SPON2: variants seen among roughly 807,000 people sequenced by gnomAD.
SPON2 encodes the protein spondin-2.
Under a neutral mutation model 29.9 loss-of-function variants are expected in SPON2, and 32 were observed. The observed-to-expected ratio is 1.07, with a 90% confidence interval of 0.81 to 1.44. The LOEUF (loss-of-function observed/expected upper bound fraction) is 1.44, where lower values mean the gene tolerates loss of function less well. Among genes scored for constraint, SPON2 ranks in the 40% most tolerant of loss-of-function variants. The probability of loss-of-function intolerance (pLI) is 0.00; values close to 1 mark genes in which losing one functional copy is unlikely to be tolerated. For missense variants in SPON2, 541 were observed against 455.5 expected (o/e 1.19, Z -1.71); for synonymous variants, 248 against 209.1 (o/e 1.19, Z -1.61).
intron 1 of SPON2, among the ~76,000 whole-genome samples, chr4:1,205,950 C>G (rs775151404): frequency 3.9e-5 from 6 of 152,176 alleles, no homozygotes; most frequent in Non-Finnish European, 5.9e-5. Context: ...CCACCCCTAG[C>G]TCCCCTGGCT....
intron 1 of SPON2, among the ~76,000 whole-genome samples, chr4:1,204,478 C>G (rs889070821): frequency 6.6e-6 from 1 of 152,208 alleles, no homozygotes; most frequent in African/African-American, 2.4e-5. Context: ...TTTGGCGTGT[C>G]TGTAATGCCT....
chr4:1,174,488 A>AG, upstream of SPON2, among the ~76,000 whole-genome samples: 1 of 11,554 alleles, frequency 8.7e-5, no homozygotes, highest in African/African-American at 1.4e-4. Context: ...CTCCATCTCA[A>AG]AAAAAAAAAA....
intron 5 of SPON2, chr4:1,170,178 C>T: frequency 3.7e-6 from 2 of 544,296 alleles, no homozygotes; most frequent in East Asian, 3.3e-5. Context: ...ATTCTTTCCT[C>T]TGGGCTGTGG....
intron 1 of SPON2, among the ~76,000 whole-genome samples, chr4:1,187,066 A>G (rs559423159): frequency 1.3e-5 from 2 of 152,344 alleles, no homozygotes; most frequent in East Asian, 1.9e-4. Flanking sequence ...TTGAAAATAT[A>G]TTTGTATACT....
In SPON2 at chr4:1,185,708, C is replaced by CAAAA. The variant is rs58836347; in HGVS notation, c.-238-6171_-238-6168dup. Among the ~76,000 whole-genome samples the CAAAA allele has an allele frequency of 9.0e-4, 63 of 69,672 alleles. 6 individuals carry two copies. In the East Asian group the frequency reaches 0.03, roughly 33 times the overall value. The allele number at this position is 69,672 out of a possible 152,430, so 45.7% of individuals were successfully genotyped here. ...CGGCAGCAGAGTGAGACTCCATCTCCAAAAAAAAAAAGAATGAAGTTGGAC... is the reference window on the plus strand; with the variant it reads ...CGGCAGCAGAGTGAGACTCCATCTCCAAAAAAAAAAAAAAAGAATGAAGTTGGAC... On this transcript the variant is annotated intron_variant, in intron 1 of 3. Transcript: ENST00000502483.
chr4:1,176,028 C>T (rs1727587416), upstream of SPON2, among the ~76,000 whole-genome samples: 1 of 152,094 alleles, frequency 6.6e-6, no homozygotes, highest in Admixed American at 6.5e-5. Flanking sequence ...GAGAGGGGGA[C>T]ATGGGAGAAC....
At position 1,172,257 on chromosome 4, in the gene SPON2, G is replaced by A. The variant is rs142974154; in HGVS notation, c.-3-183C>T. The stretch of plus-strand genomic sequence containing the variant: ...CCCCCATCAGCGGAATGGACGGCGC[G>A]GGGTTAGATCGCCCGTGCGCCTGCG... On this transcript the variant is annotated intron_variant, in intron 1 of 5. Coordinates refer to ENST00000290902, the MANE Select transcript of SPON2 (RefSeq NM_012445.4). The A allele has an allele frequency of 1.8e-3, 1,083 of 617,926 alleles. 7 individuals carry two copies. Among genetic ancestry groups the A allele is most frequent in the African/African-American group, 0.013 (702 of 54,130 alleles). The allele number at this position is 617,926 out of a possible 1,614,324, so 38.3% of individuals were successfully genotyped here.
chr4:1,167,534 T>A lies in SPON2; in HGVS notation c.934A>T (p.Asn312Tyr). ...TRYVRVQPAN[N>Y]GSPCPELEEE... ...TCGAGCTCGGGGCAGGGGCTCCCGT[T>A]GTTGGCGGGCTGGACCCGGACGTAG... is the stretch of plus-strand genomic sequence containing the variant. Residue 312 changes from asparagine to tyrosine, a missense_variant, in exon 6 of 6, where the codon AAC (asparagine) becomes TAC (tyrosine). Asn to Tyr is a moderately radical substitution (Grantham distance 143). Transcript: ENST00000290902. The A allele has an allele frequency of 6.2e-7, 1 of 1,613,774 alleles. No individual in the cohort carries two copies. The highest frequency in any genetic ancestry group is 8.5e-7 in the Non-Finnish European group (1 of 1,180,008).
intron 1 of SPON2, among the ~76,000 whole-genome samples, chr4:1,204,209 C>G (rs1317228859): frequency 6.6e-6 from 1 of 152,212 alleles, no homozygotes; most frequent in East Asian, 1.9e-4. Context: ...GGTTGTTTAT[C>G]TTTGTATTGC....
At chr4:1,173,601 T>A (rs1029628154), upstream of SPON2, among the ~76,000 whole-genome samples, 5 of 152,238 alleles carry the variant, frequency 3.3e-5, no homozygotes, top group African/African-American at 1.2e-4. Context: ...AGCTCGGGAA[T>A]GGTCTTGCTC....
At chr4:1,203,401 C>T (rs1332555368) in intron 1 of SPON2, among the ~76,000 whole-genome samples, 6 of 152,142 alleles carry the variant, frequency 3.9e-5, no homozygotes, top group East Asian at 1.9e-4. Context: ...CAAATGTTTG[C>T]GAGGTTCATC....
At chr4:1,184,885 C>T (rs1016213884) in intron 1 of SPON2, among the ~76,000 whole-genome samples, 3 of 147,980 alleles carry the variant, frequency 2.0e-5, no homozygotes, top group African/African-American at 7.5e-5. Context: ...TGCAGTGAGC[C>T]GAGATCTTGC....
chr4:1,198,964 A>G (rs1273766130), upstream of SPON2: 1 of 152,122 alleles, frequency 6.6e-6, no homozygotes, highest in East Asian at 1.9e-4. Flanking sequence ...TGCTGTCATA[A>G]TTGTCCAGCA....
At chr4:1,204,390 G>C (rs148765839) in intron 1 of SPON2, among the ~76,000 whole-genome samples, 4 of 152,312 alleles carry the variant, frequency 2.6e-5, no homozygotes, top group Middle Eastern at 3.4e-3. Context: ...GGCACTGACT[G>C]TCTGCAGGAT....
At chr4:1,177,805 C>T (rs1577902109), upstream of SPON2, among the ~76,000 whole-genome samples, 1 of 152,180 alleles carries the variant, frequency 6.6e-6, no homozygotes, top group South Asian at 2.1e-4. Context: ...CATGGAGCTC[C>T]TGGCCACATC....
At position 1,170,547 on chromosome 4, in the gene SPON2, G is replaced by A. The variant is rs2153076820; in HGVS notation, c.666C>T (p.Ala222=). 4 of 1,613,748 alleles carry A rather than the reference G, an allele frequency of 2.5e-6. No homozygotes were observed. The highest frequency in any genetic ancestry group is 2.7e-5 in the African/African-American group (2 of 74,964). The stretch of plus-strand genomic sequence containing the variant: ...TCAGCCGCGGGTAGTAGAAGGAGTT[G>A]GCCGGGTGGCTGGGAGAGGAGGACG... ...EITSSSPSHP[A]NSFYYPRLKA... The change falls in exon 5 of 6, where the codon GCC becomes GCT. Residue 222 remains alanine, a synonymous_variant. Coordinates refer to ENST00000290902, the MANE Select transcript of SPON2 (RefSeq NM_012445.4).
intron 1 of SPON2, among the ~76,000 whole-genome samples, chr4:1,201,931 C>G (rs894770898): frequency 3.3e-5 from 5 of 152,182 alleles, no homozygotes; most frequent in Non-Finnish European, 7.3e-5. Flanking sequence ...ACCTGGCTCC[C>G]GCAAAACAGC....
chr4:1,192,569 G>T (rs1055625813), intron 1 of SPON2, among the ~76,000 whole-genome samples: 3 of 152,212 alleles, frequency 2.0e-5, no homozygotes, highest in African/African-American at 7.2e-5. Flanking sequence ...GCTGGAAAGG[G>T]CAGCGGGAGC....
chr4:1,170,999 C>T lies in SPON2; in HGVS notation c.636G>A (p.Glu212=), dbSNP rs757433845. Residue 212 remains glutamate (E), a splice_region_variant and synonymous_variant, in exon 4 of 6, where the codon GAG becomes GAA. Coordinates refer to ENST00000290902, the MANE Select transcript of SPON2 (RefSeq NM_012445.4). ...TTGCGCACGCGGGGTGCCCACTCACCTCGGTCACCGTGTCCTGCGGGATGG... is the reference window on the plus strand; with the variant it reads ...TTGCGCACGCGGGGTGCCCACTCACTTCGGTCACCGTGTCCTGCGGGATGG... The part of the protein sequence containing the change: ...FATIPQDTVT[E]ITSSSPSHPA... 1.3e-6 allele frequency: 2 copies of T among 1,548,074 alleles called. No homozygotes were observed. Among genetic ancestry groups the T allele is most frequent in the Middle Eastern group, 1.7e-4 (1 of 5,988 alleles).
Sources: gnomAD v4.1 joint callset for allele counts (sites outside exome capture counted in the v4.1 genomes callset) on GRCh38, gnomAD v4.1.1 for gene constraint, MANE v1.5 for transcripts, NCBI Gene and HGNC (gene_info 2026-07-23, HGNC 2026-07-21) for gene names.